GALNT2: variants seen among roughly 807,000 people sequenced by gnomAD.
The protein encoded by GALNT2 is polypeptide N-acetylgalactosaminyltransferase 2.
In GALNT2, 31 loss-of-function variants were observed where a neutral mutation model predicts 81.4. That is an observed-to-expected ratio of 0.38 (90% CI 0.29 to 0.51). GALNT2 has a LOEUF of 0.51. Among genes scored for constraint, GALNT2 ranks in the 20% least tolerant of loss-of-function variants. The probability of loss-of-function intolerance (pLI) is 0.87; values close to 1 mark genes in which losing one functional copy is unlikely to be tolerated. For missense variants in GALNT2, 629 were observed against 765.7 expected, an observed-to-expected ratio of 0.82 and a Z score of 2.11; for synonymous variants, 303 against 287.4, an observed-to-expected ratio of 1.05 and a Z score of -0.55.
chr1:230,125,694 C>CTG (rs10628440), intron 1 of GALNT2, among the ~76,000 whole-genome samples: 64,173 of 151,864 alleles, frequency 0.42, 13,533 homozygotes, highest in South Asian at 0.53. Flanking sequence ...CAGTGAGAAA[C>CTG]TGTTAAGGTA....
chr1:230,161,856 G>T (rs1662446787), intron 1 of GALNT2, among the ~76,000 whole-genome samples: 1 of 152,164 alleles, frequency 6.6e-6, no homozygotes, highest in African/African-American at 2.4e-5. Context: ...TCTCTGGGAA[G>T]TTCAGAGTTT....
chr1:230,267,631 C>G (rs1572158590), intron 14 of GALNT2, among the ~76,000 whole-genome samples: 1 of 152,220 alleles, frequency 6.6e-6, no homozygotes, highest in East Asian at 1.9e-4. Context: ...GGTCAGCCCC[C>G]CTGGGTACTC....
At chr1:230,220,279 TTG>T (rs1664505394) in intron 3 of GALNT2, among the ~76,000 whole-genome samples, 1 of 95,822 alleles carries the variant, frequency 1.0e-5, no homozygotes, top group South Asian at 2.9e-4. Flanking sequence ...CAAGGTGTTT[TTG>T]TTTTTTTTTT....
intron 1 of GALNT2, among the ~76,000 whole-genome samples, chr1:230,144,779 GATTA>G (rs1661862183): frequency 1.3e-5 from 2 of 152,116 alleles, no homozygotes; most frequent in African/African-American, 2.4e-5. Flanking sequence ...GTGGGGTGAG[GATTA>G]ATTAAAGACT....
chr1:230,219,898 C>CA (rs1433483111), intron 3 of GALNT2, among the ~76,000 whole-genome samples: 1 of 152,198 alleles, frequency 6.6e-6, no homozygotes. Flanking sequence ...CACCCCCAAC[C>CA]AGAGCCTCTG....
intron 15 of GALNT2, among the ~76,000 whole-genome samples, chr1:230,277,969 T>C (rs1666342664): frequency 6.6e-6 from 1 of 152,128 alleles, no homozygotes; most frequent in African/African-American, 2.4e-5. Context: ...GTGAAGGAGC[T>C]TTCGTGCACA....
At chr1:230,114,541 C>CG (rs1166222721) in intron 1 of GALNT2, among the ~76,000 whole-genome samples, 1 of 152,202 alleles carries the variant, frequency 6.6e-6, no homozygotes, top group Non-Finnish European at 1.5e-5. Flanking sequence ...GGGCTGAACC[C>CG]GGCACTGCTG....
At chr1:230,228,024 G>A (rs1664766604) in intron 3 of GALNT2, among the ~76,000 whole-genome samples, 1 of 152,118 alleles carries the variant, frequency 6.6e-6, no homozygotes, top group South Asian at 2.1e-4. Context: ...GTTGAATACA[G>A]AGTCCACATA....
At chr1:230,129,702 T>C (rs1661306830) in intron 1 of GALNT2, among the ~76,000 whole-genome samples, 1 of 152,174 alleles carries the variant, frequency 6.6e-6, no homozygotes, top group Non-Finnish European at 1.5e-5. Flanking sequence ...CACTTAAAAA[T>C]AAAAGTTCAG....
At chr1:230,139,929 T>A (rs61826561) in intron 1 of GALNT2, among the ~76,000 whole-genome samples, 10,121 of 152,238 alleles carry the variant, frequency 0.066, 396 homozygotes, top group African/African-American at 0.11. Flanking sequence ...AGGTTGTACA[T>A]CCACAGACTC....
intron 11 of GALNT2, among the ~76,000 whole-genome samples, chr1:230,255,708 G>A (rs1264565217): frequency 6.6e-6 from 1 of 152,166 alleles, no homozygotes; most frequent in African/African-American, 2.4e-5. Context: ...GAGGGACGGA[G>A]CTGTTCTGTC....
chr1:230,236,686 A>G lies in GALNT2; in HGVS notation c.568A>G (p.Ile190Val). 1 of 1,613,766 alleles carries G rather than the reference A, an allele frequency of 6.2e-7. No homozygotes were observed. Among genetic ancestry groups the G allele is most frequent in the Non-Finnish European group, 8.5e-7 (1 of 1,179,942 alleles). Residue 190 changes from isoleucine (I) to valine (V), a missense_variant, in exon 6 of 16, where the codon ATT (isoleucine) becomes GTT (valine). Physicochemically the swap from Ile to Val is conservative, Grantham distance 29 (BLOSUM62 3). Coordinates refer to ENST00000366672, the MANE Select transcript of GALNT2 (RefSeq NM_004481.5). ...DPEDGALLGK[I>V]EKVRVLRNDR... The stretch of plus-strand genomic sequence containing the variant: ...TGAGGACGGGGCTCTCTTGGGGAAA[A>G]TTGAGAAAGTGCGAGTTCTTAGAAA...
Position 230,275,766 on chromosome 1 carries a change from A to G in GALNT2, c.1560+1202A>G, listed in dbSNP as rs923701627. Among the ~76,000 whole-genome samples, 3 of 151,492 alleles carry G rather than the reference A, an allele frequency of 2.0e-5. No homozygotes were observed. The highest frequency in any genetic ancestry group is 7.3e-5 in the African/African-American group (3 of 41,214). On this transcript the variant is annotated intron_variant, in intron 15 of 15. Transcript: ENST00000366672. This position sits in a 1 kb window ranked among gnomAD's most constrained non-coding sequence, Gnocchi z 5.5. The stretch of plus-strand genomic sequence containing the variant: ...ACACCACATATATATACATATATAC[A>G]TACACCACAGATATATACATATATA...
At chr1:230,171,755 T>C (rs1052898874) in intron 1 of GALNT2, among the ~76,000 whole-genome samples, 6 of 152,266 alleles carry the variant, frequency 3.9e-5, no homozygotes, top group African/African-American at 1.4e-4. Flanking sequence ...GTTTTATGTA[T>C]GTAAGCATGT....
At chr1:230,185,293 TGTGTGTGTGCGC>T (rs1158047193) in intron 2 of GALNT2, among the ~76,000 whole-genome samples, 2 of 114,150 alleles carry the variant, frequency 1.8e-5, no homozygotes, top group African/African-American at 6.5e-5. Flanking sequence ...TGTGTGTGTG[TGTGTGTGTGCGC>T]GCGTGTGTGT....
At chr1:230,130,655 C>G (rs1164300043) in intron 1 of GALNT2, among the ~76,000 whole-genome samples, 1 of 152,210 alleles carries the variant, frequency 6.6e-6, no homozygotes, top group Non-Finnish European at 1.5e-5. Context: ...GGACAAGCAG[C>G]CCGGAGCTGC....
At chr1:230,085,382 T>G (rs1659868561) in intron 1 of GALNT2, among the ~76,000 whole-genome samples, 1 of 152,122 alleles carries the variant, frequency 6.6e-6, no homozygotes, top group Non-Finnish European at 1.5e-5. Flanking sequence ...GCCCTTTGTT[T>G]TGGGTTAAAT....
chr1:230,149,289 G>A (rs1452006401), intron 1 of GALNT2, among the ~76,000 whole-genome samples: 1 of 152,150 alleles, frequency 6.6e-6, no homozygotes, highest in Non-Finnish European at 1.5e-5. Context: ...GCGGGTGGGA[G>A]GACATTGCGA....
intron 10 of GALNT2, among the ~76,000 whole-genome samples, chr1:230,254,803 T>C (rs907154688): frequency 2.0e-5 from 3 of 152,188 alleles, no homozygotes; most frequent in African/African-American, 7.2e-5. Flanking sequence ...CAAGTGCAAA[T>C]GATCGTGAGC....
Sources: gnomAD v4.1 joint callset for allele counts (sites outside exome capture counted in the v4.1 genomes callset) on GRCh38, gnomAD v4.1.1 for gene constraint, Gnocchi (gnomAD v3.1) non-coding constraint, MANE v1.5 for transcripts, NCBI Gene and HGNC (gene_info 2026-07-23, HGNC 2026-07-21) for gene names.